TTF1: variants seen among roughly 807,000 people sequenced by gnomAD.
TTF1 encodes transcription termination factor 1, also known as transcription termination factor, RNA polymerase I.
TTF1 carries 64 observed loss-of-function variants against 80.2 expected under a neutral mutation model. That is an observed-to-expected ratio of 0.80 (90% CI 0.65 to 0.98). The LOEUF (loss-of-function observed/expected upper bound fraction) is 0.98. Among genes scored for constraint, TTF1 ranks in the 50% least tolerant of loss-of-function variants. TTF1 has a pLI of 0.00. For synonymous variants in TTF1, 372 were observed against 382.7 expected (o/e 0.97, Z 0.33); for missense variants, 1,023 against 1,086.2 (o/e 0.94, Z 0.82).
chr9:132,379,973 A>C (rs1254867449), intron 9 of TTF1, among the ~76,000 whole-genome samples: 2 of 152,240 alleles, frequency 1.3e-5, no homozygotes, highest in African/African-American at 4.8e-5. Context: ...AAGTATGTAG[A>C]GGTAAAAGAT....
intron 10 of TTF1, among the ~76,000 whole-genome samples, chr9:132,378,085 G>GAATT (rs1849267270): frequency 3.8e-5 from 5 of 132,944 alleles, no homozygotes; most frequent in African/African-American, 5.8e-5. Flanking sequence ...GTGTGTGAGT[G>GAATT]CATGTGGTGT....
At chr9:132,403,730 T>TCCC (rs1849810760) in intron 1 of TTF1, among the ~76,000 whole-genome samples, 1 of 152,132 alleles carries the variant, frequency 6.6e-6, no homozygotes, top group Admixed American at 6.6e-5. Context: ...TCTGTCTTGT[T>TCCC]CCCCTCTGTG....
chr9:132,403,408 C>G lies in TTF1; in HGVS notation c.-7-580G>C, dbSNP rs376733232. 4.1e-4 allele frequency among the ~76,000 whole-genome samples: 63 copies of G among 152,234 alleles called. 1 individual carries two copies. In the South Asian group the frequency reaches 0.012, roughly 30 times the overall value. On this transcript the variant is annotated intron_variant, in intron 1 of 10. Transcript: ENST00000334270. Reference sequence around the variant, plus strand: ...AGCCTCACCTCTGAACTCGTCTTTCCAACTCTGCGTTTAAGCCAAAAGCAG... The same window carrying G: ...AGCCTCACCTCTGAACTCGTCTTTCGAACTCTGCGTTTAAGCCAAAAGCAG...
intron 1 of TTF1, among the ~76,000 whole-genome samples, chr9:132,405,757 T>C (rs1375151012): frequency 6.6e-6 from 1 of 152,198 alleles, no homozygotes; most frequent in Non-Finnish European, 1.5e-5. Context: ...CATGCCCACC[T>C]CTCTACCTCT....
At position 132,402,840 on chromosome 9, in the gene TTF1, T is replaced by C. The variant is rs763783393; in HGVS notation, c.-7-12A>G. 1.9e-6 allele frequency: 3 copies of C among 1,559,244 alleles called. No individual in the cohort carries two copies. Among genetic ancestry groups the C allele is most frequent in the East Asian group, 4.5e-5 (2 of 44,422 alleles). On this transcript the variant is annotated splice_polypyrimidine_tract_variant and intron_variant, in intron 1 of 10. Transcript: ENST00000334270. ...CTTCCATTTTATTCCTATATGGAAATGTGACAACAATGGTTTATTTTTGCT... is the reference window on the plus strand; with the variant it reads ...CTTCCATTTTATTCCTATATGGAAACGTGACAACAATGGTTTATTTTTGCT...
At position 132,378,967 on chromosome 9, in the gene TTF1, C is replaced by T. The variant is rs890811880; in HGVS notation, c.2464+92G>A. ...TTTTGCAGCTGATGAAGCTGAGGCTCTAAGTCCAGTCACCTGCCTAGGTGA... is the reference window on the plus strand; with the variant it reads ...TTTTGCAGCTGATGAAGCTGAGGCTTTAAGTCCAGTCACCTGCCTAGGTGA... On this transcript the variant is annotated intron_variant, in intron 10 of 10. Coordinates refer to ENST00000334270, the MANE Select transcript of TTF1 (RefSeq NM_007344.4). 4 of 921,436 alleles carry T rather than the reference C, an allele frequency of 4.3e-6. No individual in the cohort carries two copies. The Middle Eastern group carries it at 6.6e-4, about 153-fold the overall frequency. The allele number at this position is 921,436 out of a possible 1,614,324, so 57.1% of individuals were successfully genotyped here. A position where few individuals can be genotyped will look rare whatever the true frequency, so the allele number is the denominator to read the frequency against.
chr9:132,389,375 G>A (rs892576032), intron 7 of TTF1, among the ~76,000 whole-genome samples: 11 of 151,788 alleles, frequency 7.2e-5, no homozygotes, highest in African/African-American at 2.7e-4. Flanking sequence ...TAGAGGTGGG[G>A]TTTCACTATG....
intron 6 of TTF1, 84 bp downstream of exon 6, chr9:132,391,992 C>T (rs1849566010): frequency 6.3e-7 from 1 of 1,583,758 alleles, no homozygotes; most frequent in Non-Finnish European, 8.6e-7. Flanking sequence ...ACGGTGATTT[C>T]CGGGCATTGG....
At position 132,396,818 on chromosome 9, in the gene TTF1, C is replaced by T. The variant is rs186559490; in HGVS notation, c.1778-307G>A. On this transcript the variant is annotated intron_variant, in intron 4 of 10. Coordinates refer to ENST00000334270, the MANE Select transcript of TTF1 (RefSeq NM_007344.4). ...GAGTAGCTGGGATTACAGGTGTCCA[C>T]CGCCACGCCCAGCTGGTTTTTATAT... 3.1e-3 allele frequency among the ~76,000 whole-genome samples: 473 copies of T among 152,114 alleles called. 2 individuals carry two copies. Among genetic ancestry groups the T allele is most frequent in the African/African-American group, 0.011 (459 of 41,486 alleles).
intron 1 of TTF1, among the ~76,000 whole-genome samples, chr9:132,403,804 T>C (rs546782071): frequency 2.7e-4 from 41 of 152,322 alleles, no homozygotes; most frequent in African/African-American, 9.4e-4. Context: ...GGCTTCGCAG[T>C]GGGGATATCA....
Position 132,401,698 on chromosome 9 carries a change from G to A in TTF1, c.1124C>T (p.Ala375Val). 2 of 1,614,190 alleles carry A rather than the reference G, an allele frequency of 1.2e-6. No individual in the cohort carries two copies. Among genetic ancestry groups the A allele is most frequent in the African/African-American group, 1.3e-5 (1 of 75,042 alleles). The change falls in exon 2 of 11, where the codon GCT (alanine) becomes GTT (valine). Residue 375 changes from alanine to valine, a missense_variant. Transcript: ENST00000334270. Reference sequence around the variant, plus strand: ...GTTGGATTCCTTGAACCCTTTAAGAGCTGTACTGCCTTCCACAGTCCCAAC... The same window carrying A: ...GTTGGATTCCTTGAACCCTTTAAGAACTGTACTGCCTTCCACAGTCCCAAC... Reference protein sequence around the residue: ...SEVGTVEGSTALKGFKESNST... With the variant: ...SEVGTVEGSTVLKGFKESNST...
At chr9:132,385,165 C>G (rs939292528) in intron 9 of TTF1, among the ~76,000 whole-genome samples, 6 of 152,212 alleles carry the variant, frequency 3.9e-5, no homozygotes, top group African/African-American at 1.4e-4. Flanking sequence ...CAGGGTAACA[C>G]ATCTGAGTCA....
At chr9:132,381,791 T>C (rs1481472983) in intron 9 of TTF1, among the ~76,000 whole-genome samples, 2 of 152,200 alleles carry the variant, frequency 1.3e-5, no homozygotes, top group Admixed American at 1.3e-4. Context: ...TGTTTGGTTA[T>C]AATCCCAAAC....
At chr9:132,396,581 A>G (rs2131642438) in intron 4 of TTF1, 70 bp from the exon 5 acceptor site, 1 of 1,297,850 alleles carries the variant, frequency 7.7e-7, no homozygotes, top group Non-Finnish European at 1.1e-6. Flanking sequence ...AGGAACCCAG[A>G]ACAGCCCTTA....
intron 1 of TTF1, among the ~76,000 whole-genome samples, chr9:132,404,621 C>T (rs957492736): frequency 2.0e-5 from 3 of 152,108 alleles, no homozygotes; most frequent in Non-Finnish European, 4.4e-5. Context: ...ATGCAACTGT[C>T]GTTTAACCCT....
chr9:132,396,326 A>G, intron 5 of TTF1, 107 bp downstream of exon 5: 1 of 1,164,504 alleles, frequency 8.6e-7, no homozygotes, highest in Non-Finnish European at 1.3e-6. Context: ...CACACACACA[A>G]ATCTGCGTTA....
chr9:132,396,440 T>G lies in TTF1; in HGVS notation c.1849A>C (p.Lys617Gln). ...CTAAGACTTTTTTCTTACCTGCCTT[T>G]GTAATTGTTGACATCGAACATCTTC... Reference protein sequence around the residue: ...AKKMFDVNNYKGRYSEGDTEK... With the variant: ...AKKMFDVNNYQGRYSEGDTEK... The change falls in exon 5 of 11, where the codon AAA (lysine) becomes CAA (glutamine). Residue 617 changes from lysine (K) to glutamine (Q), a missense_variant. Lys to Gln is a moderately conservative substitution (Grantham distance 53). Transcript: ENST00000334270. The G allele has an allele frequency of 6.2e-7, 1 of 1,614,204 alleles. No individual in the cohort carries two copies. The highest frequency in any genetic ancestry group is 8.5e-7 in the Non-Finnish European group (1 of 1,180,014).
chr9:132,379,303 T>G, intron 9 of TTF1, 159 bp from the exon 10 acceptor site: 1 of 486,558 alleles, frequency 2.1e-6, no homozygotes, highest in Non-Finnish European at 3.5e-6. Context: ...ACACAATTTT[T>G]GTGGAATATG....
chr9:132,377,416 GA>G (rs1849219962), intron 10 of TTF1, among the ~76,000 whole-genome samples: 1 of 97,340 alleles, frequency 1.0e-5, no homozygotes, highest in African/African-American at 4.3e-5. Context: ...TGGTGTGTGT[GA>G]GTGCATGCAT....
Sources: allele counts gnomAD v4.1 joint callset (sites outside exome capture counted in the v4.1 genomes callset), GRCh38; gene constraint gnomAD v4.1.1; transcripts MANE v1.5; gene names NCBI Gene and HGNC (gene_info 2026-07-23, HGNC 2026-07-21).